The following PLXDC1 variants were observed in gnomAD, a reference collection of about 807,000 sequenced individuals.
PLXDC1 encodes the protein plexin domain containing 1, also known as plexin domain-containing protein 1.
In PLXDC1, 39 loss-of-function variants were observed where a neutral mutation model predicts 61.3. That is an observed-to-expected ratio of 0.64 (90% CI 0.49 to 0.83). The LOEUF (loss-of-function observed/expected upper bound fraction) is 0.83. Among genes scored for constraint, PLXDC1 ranks in the 40% least tolerant of loss-of-function variants. The pLI is 0.00. For synonymous variants in PLXDC1, 212 were observed against 254.5 expected (o/e 0.83, Z 1.59); for missense variants, 596 against 666.5 (o/e 0.89, Z 1.17).
In PLXDC1 at chr17:39,147,641, C is replaced by T. The variant is rs193159302; in HGVS notation, c.76+3721G>A. Among the ~76,000 whole-genome samples, 16 of 151,684 alleles carry T rather than the reference C, an allele frequency of 1.1e-4. No individual in the cohort carries two copies. The East Asian group carries it at 2.9e-3, about 28-fold the overall frequency. ...GAGTCAAAGGAAGTGCAGGGAGGGA[C>T]CACCAGGTAGCAGAAGGGAAGAGGG... is the stretch of plus-strand genomic sequence containing the variant. On this transcript the variant is annotated intron_variant, in intron 1 of 13. Coordinates refer to ENST00000315392, the MANE Select transcript of PLXDC1 (RefSeq NM_020405.5).
chr17:39,087,890 G>A (rs1909802915), intron 7 of PLXDC1, among the ~76,000 whole-genome samples, 188 bp from the exon 8 acceptor site: 1 of 152,210 alleles, frequency 6.6e-6, no homozygotes. Flanking sequence ...AGAGTGTTGT[G>A]GTGTGAGGCT....
intron 9 of PLXDC1, among the ~76,000 whole-genome samples, chr17:39,082,873 C>T (rs572426228): frequency 2.0e-5 from 3 of 152,328 alleles, no homozygotes; most frequent in African/African-American, 7.2e-5. Flanking sequence ...CTGAATCTCA[C>T]CCAGAATTTT....
rs1245835182 is a variant in PLXDC1, at chr17:39,108,166, G to C, written c.549C>G (p.Asn183Lys). ...CTGTGGAGTTGTCGGAGTAGCCAGG[G>C]TTGAAGTTGGCCATCAGGGGCGCCA... ...QYVAPLMANF[N>K]PGYSDNSTVV... Residue 183 changes from asparagine to lysine, a missense_variant, in exon 5 of 14, where the codon AAC becomes AAG. Transcript: ENST00000315392. 1 of 1,614,088 alleles carries C rather than the reference G, an allele frequency of 6.2e-7. No individual in the cohort carries two copies. Among genetic ancestry groups the C allele is most frequent in the Non-Finnish European group, 8.5e-7 (1 of 1,180,022 alleles).
chr17:39,096,674 C>T lies in PLXDC1; in HGVS notation c.812-8972G>A, dbSNP rs1910215402. 2.0e-5 allele frequency among the ~76,000 whole-genome samples: 3 copies of T among 152,250 alleles called. No homozygotes were observed. In the South Asian group the frequency reaches 6.2e-4, roughly 31 times the overall value. On this transcript the variant is annotated intron_variant, in intron 7 of 13. Coordinates refer to ENST00000315392, the MANE Select transcript of PLXDC1 (RefSeq NM_020405.5). ...CCGTCCAAGGCCATTCGGGGCCAGC[C>T]AAGGGGCAGGCTACATTCTGGAGCT...
intron 2 of PLXDC1, among the ~76,000 whole-genome samples, chr17:39,134,802 T>C (rs1257848429): frequency 1.3e-5 from 2 of 152,026 alleles, no homozygotes; most frequent in East Asian, 3.9e-4. Context: ...ACTCTGCTTG[T>C]GTCTGGGAAA....
At chr17:39,138,035 C>A (rs932976512) in intron 2 of PLXDC1, among the ~76,000 whole-genome samples, 1 of 152,148 alleles carries the variant, frequency 6.6e-6, no homozygotes, top group Non-Finnish European at 1.5e-5. Context: ...CAGGCTCAAG[C>A]AATCCTCCAG....
intron 8 of PLXDC1, 47 bp downstream of exon 8, chr17:39,087,560 C>A (rs905210046): frequency 1.4e-6 from 2 of 1,446,880 alleles, no homozygotes; most frequent in Non-Finnish European, 9.7e-7. Flanking sequence ...AGCCAGTCTG[C>A]TTGACTCCAG....
intron 2 of PLXDC1, among the ~76,000 whole-genome samples, chr17:39,118,084 C>CCCTCCCTTCCTTCCTTCCTTCCTTCCTT (rs575592391): frequency 4.9e-5 from 5 of 101,810 alleles, no homozygotes; most frequent in African/African-American, 1.9e-4. Context: ...CTCCCTCCCT[C>CCCTCCCTTCCTTCCTTCCTTCCTTCCTT]CCTTCCTTCC....
chr17:39,087,017 C>T (rs558009669), intron 8 of PLXDC1, among the ~76,000 whole-genome samples: 23 of 152,258 alleles, frequency 1.5e-4, no homozygotes, highest in African/African-American at 3.9e-4. Flanking sequence ...TACTCCTTCC[C>T]GCAGTCTCAG....
chr17:39,118,531 CA>C (rs1439730987), intron 2 of PLXDC1, among the ~76,000 whole-genome samples: 4 of 152,146 alleles, frequency 2.6e-5, no homozygotes, highest in African/African-American at 9.7e-5. Context: ...GCTCCTGAAA[CA>C]TCAATGTTGT....
intron 1 of PLXDC1, among the ~76,000 whole-genome samples, chr17:39,146,793 C>G (rs899465490): frequency 1.3e-5 from 2 of 150,696 alleles, no homozygotes; most frequent in Non-Finnish European, 2.9e-5. Flanking sequence ...GAAGTTGAGG[C>G]AGCAGTGAGC....
At chr17:39,083,413 T>A in intron 9 of PLXDC1, 46 bp downstream of exon 9, 1 of 1,493,392 alleles carries the variant, frequency 6.7e-7, no homozygotes, top group Non-Finnish European at 9.3e-7. Flanking sequence ...CCTCTTCCCC[T>A]CCACAGTCGG....
At chr17:39,109,068 G>A (rs942230369) in intron 3 of PLXDC1, 95 bp from the exon 4 acceptor site, 3 of 1,267,320 alleles carry the variant, frequency 2.4e-6, no homozygotes, top group African/African-American at 2.9e-5. Context: ...AGAGTGGGGA[G>A]CAGGCATGCC....
chr17:39,076,474 G>C (rs964536486), intron 11 of PLXDC1, among the ~76,000 whole-genome samples: 1 of 148,046 alleles, frequency 6.8e-6, no homozygotes, highest in Admixed American at 6.8e-5. Flanking sequence ...TCACTCCAGT[G>C]CACTCCAGCC....
At chr17:39,118,658 C>T (rs1401576055) in intron 2 of PLXDC1, among the ~76,000 whole-genome samples, 1 of 152,186 alleles carries the variant, frequency 6.6e-6, no homozygotes, top group African/African-American at 2.4e-5. Flanking sequence ...CCCCCAGACC[C>T]GTAGGCCCTG....
intron 8 of PLXDC1, among the ~76,000 whole-genome samples, chr17:39,086,583 C>T (rs1909747846): frequency 6.6e-6 from 1 of 151,868 alleles, no homozygotes; most frequent in African/African-American, 2.4e-5. Flanking sequence ...ATCCCAGCAC[C>T]AGGCGTGGTG....
chr17:39,075,384 A>G (rs1007354997), intron 11 of PLXDC1, among the ~76,000 whole-genome samples: 1 of 152,072 alleles, frequency 6.6e-6, no homozygotes, highest in African/African-American at 2.4e-5. Flanking sequence ...ACTTTTTCAC[A>G]CTTTGCTACT....
At chr17:39,070,068 C>A in intron 12 of PLXDC1, 52 bp from the exon 13 acceptor site, 2 of 1,448,786 alleles carry the variant, frequency 1.4e-6, no homozygotes, top group South Asian at 2.3e-5. Flanking sequence ...CAGGGAAGGT[C>A]GAACCATGGG....
intron 5 of PLXDC1, chr17:39,107,752 C>G (rs1461684193): frequency 1.7e-6 from 1 of 591,382 alleles, no homozygotes; most frequent in East Asian, 2.8e-5. Context: ...TGTACTTGAT[C>G]ATCTCTTTCC....
Sources: gnomAD v4.1 joint callset for allele counts (sites outside exome capture counted in the v4.1 genomes callset) on GRCh38, gnomAD v4.1.1 for gene constraint, MANE v1.5 for transcripts, NCBI Gene and HGNC (gene_info 2026-07-23, HGNC 2026-07-21) for gene names.